PPP1R37: variants seen among roughly 807,000 people sequenced by gnomAD.
PPP1R37 encodes protein phosphatase 1 regulatory subunit 37.
A neutral mutation model predicts 61.0 loss-of-function variants in PPP1R37; 21 were observed. The ratio of observed to expected loss-of-function variants is 0.34; its 90% CI spans 0.24 to 0.50. The LOEUF (loss-of-function observed/expected upper bound fraction) is 0.50, where lower values mean the gene tolerates loss of function less well. Among genes scored for constraint, PPP1R37 ranks in the 20% least tolerant of loss-of-function variants. The pLI is 0.98. For missense variants in PPP1R37, 910 were observed against 952.7 expected (o/e 0.96, Z 0.59); for synonymous variants, 443 against 433.5 (o/e 1.02, Z -0.27).
At chr19:45,102,882 G>A (rs905620210) in intron 1 of PPP1R37, among the ~76,000 whole-genome samples, 7 of 152,246 alleles carry the variant, frequency 4.6e-5, no homozygotes, top group Non-Finnish European at 8.8e-5. Flanking sequence ...CTGAGCCCAC[G>A]TCAGGCTCCT....
intron 1 of PPP1R37, among the ~76,000 whole-genome samples, chr19:45,137,936 C>T (rs970955252): frequency 4.6e-5 from 7 of 151,734 alleles, no homozygotes; most frequent in East Asian, 1.9e-4. Context: ...CCCAGGAGTT[C>T]GAGACCAGCC....
intron 1 of PPP1R37, among the ~76,000 whole-genome samples, chr19:45,129,497 C>A (rs1351611905): frequency 6.6e-6 from 1 of 152,164 alleles, no homozygotes; most frequent in Non-Finnish European, 1.5e-5. Flanking sequence ...CAGGGTTTCA[C>A]TATGTTGGCC....
In PPP1R37 at chr19:45,145,201, C is replaced by G; in HGVS notation, c.1237C>G (p.Leu413Val). 1.3e-6 allele frequency: 2 copies of G among 1,535,278 alleles called. No individual in the cohort carries two copies. Among genetic ancestry groups the G allele is most frequent in the African/African-American group, 1.4e-5 (1 of 73,130 alleles). The change falls in exon 10 of 13, where the codon CTC (leucine) becomes GTC (valine). Residue 413 changes from leucine to valine, a missense_variant. By Grantham distance (32) the Leu-to-Val change is conservative (BLOSUM62 1). Around this residue, in one of 3 missense-constraint regions of PPP1R37, gnomAD observed 549 missense variants for 505.1 expected, o/e 1.09. Transcript: ENST00000221462. Reference sequence around the variant, plus strand: ...CGGGCTCATGGCACTGTCGTTGGCCCTCAAGGTGAACCACTCACTGCTGCG... The same window carrying G: ...CGGGCTCATGGCACTGTCGTTGGCCGTCAAGGTGAACCACTCACTGCTGCG... ...TGGLMALSLA[L>V]KVNHSLLRLD...
intron 1 of PPP1R37, among the ~76,000 whole-genome samples, chr19:45,125,132 G>A (rs1378487169): frequency 1.3e-5 from 2 of 152,184 alleles, no homozygotes; most frequent in Non-Finnish European, 2.9e-5. Flanking sequence ...ATAGTGTGGT[G>A]TCAGGCACAG....
At position 45,126,465 on chromosome 19, in the gene PPP1R37, G is replaced by A. The variant is rs78308335; in HGVS notation, c.203-12049G>A. Among the ~76,000 whole-genome samples the A allele has an allele frequency of 9.0e-3, 1,371 of 152,246 alleles. 28 individuals carry two copies. Among genetic ancestry groups the A allele is most frequent in the African/African-American group, 0.031 (1,267 of 41,536 alleles). ...GATTGGAACCCAGGCGCCTGGCTTCGAGGCCCGCATGCTGTGGGGAAATGG... is the reference window on the plus strand; with the variant it reads ...GATTGGAACCCAGGCGCCTGGCTTCAAGGCCCGCATGCTGTGGGGAAATGG... On this transcript the variant is annotated intron_variant, in intron 1 of 12. Transcript: ENST00000221462.
chr19:45,125,468 A>G (rs1351692519), intron 1 of PPP1R37, among the ~76,000 whole-genome samples: 1 of 152,168 alleles, frequency 6.6e-6, no homozygotes, highest in Non-Finnish European at 1.5e-5. Context: ...TAAAAAATAA[A>G]ATATCTGAGC....
intron 12 of PPP1R37, 37 bp from the exon 13 acceptor site, chr19:45,146,534 G>A: frequency 7.7e-7 from 1 of 1,291,914 alleles, no homozygotes; most frequent in East Asian, 2.5e-5. Context: ...AGAGCCTCTG[G>A]CTCTGACAGT....
chr19:45,141,423 C>G lies in PPP1R37; in HGVS notation c.549C>G (p.Ala183=). ...KHIGTRGWQA[A]AHMMRKTSCL... ...TCGGCACCCGGGGCTGGCAGGCGGC[C>G]GCCCACATGATGCGCAAGGTGGGCG... The change falls in exon 5 of 13, where the codon GCC becomes GCG. Residue 183 remains alanine, a synonymous_variant. Coordinates refer to ENST00000221462, the MANE Select transcript of PPP1R37 (RefSeq NM_019121.2). 6.5e-7 allele frequency: 1 copy of G among 1,535,744 alleles called. No homozygotes were observed. Among genetic ancestry groups the G allele is most frequent in the Non-Finnish European group, 8.7e-7 (1 of 1,146,744 alleles).
intron 2 of PPP1R37, 120 bp downstream of exon 2, chr19:45,138,731 T>C (rs961262524): frequency 4.9e-6 from 3 of 606,450 alleles, no homozygotes; most frequent in Non-Finnish European, 8.7e-6. Context: ...GAATACATCT[T>C]TGAAAGCCTG....
intron 1 of PPP1R37, among the ~76,000 whole-genome samples, chr19:45,107,857 G>A (rs551271802): frequency 3.3e-5 from 5 of 152,150 alleles, no homozygotes; most frequent in South Asian, 2.1e-4. Flanking sequence ...TCATTTTTCC[G>A]TTTTTTTAGA....
At chr19:45,103,715 T>A (rs1968093103) in intron 1 of PPP1R37, among the ~76,000 whole-genome samples, 1 of 151,952 alleles carries the variant, frequency 6.6e-6, no homozygotes, top group Non-Finnish European at 1.5e-5. Context: ...CTCCTGGTGG[T>A]GGTGATGGAG....
At chr19:45,133,000 G>A (rs559169291) in intron 1 of PPP1R37, among the ~76,000 whole-genome samples, 6 of 152,306 alleles carry the variant, frequency 3.9e-5, no homozygotes, top group Admixed American at 2.0e-4. Flanking sequence ...GTTGAGGCAC[G>A]GGTCACATTG....
chr19:45,146,265 G>T, intron 11 of PPP1R37, 125 bp from the exon 12 acceptor site: 1 of 976,886 alleles, frequency 1.0e-6, no homozygotes, highest in Non-Finnish European at 1.5e-6. Context: ...GCTGCCTTGA[G>T]CCTGACCATC....
chr19:45,140,192 C>A, intron 2 of PPP1R37, 44 bp from the exon 3 acceptor site: 2 of 1,513,500 alleles, frequency 1.3e-6, no homozygotes, highest in Non-Finnish European at 1.8e-6. Context: ...GGCTGCCCCC[C>A]TGTTCAAGTG....
At position 45,146,474 on chromosome 19, in the gene PPP1R37, A is replaced by G. The variant is rs1160338926; in HGVS notation, c.*2A>G. On this transcript the variant is annotated 3_prime_UTR_variant, in exon 12 of 13. Coordinates refer to ENST00000221462, the MANE Select transcript of PPP1R37 (RefSeq NM_019121.2). ...GAATCCGGGCAGGAGACACTGTGAC[A>G]CTTTAGGTGAGGCCAGGCCCGGGGC... 2 of 1,534,734 alleles carry G rather than the reference A, an allele frequency of 1.3e-6. No individual in the cohort carries two copies. Among genetic ancestry groups the G allele is most frequent in the Non-Finnish European group, 1.7e-6 (2 of 1,146,060 alleles).
At chr19:45,144,603 G>C (rs1484120187) in intron 8 of PPP1R37, 1 of 518,274 alleles carries the variant, frequency 1.9e-6, no homozygotes, top group African/African-American at 2.0e-5. Flanking sequence ...GGCTGTGGGG[G>C]GTAGGGACTG....
At position 45,140,251 on chromosome 19, in the gene PPP1R37, G is replaced by C. The variant is rs201444862; in HGVS notation, c.316G>C (p.Gly106Arg). 1 of 1,536,070 alleles carries C rather than the reference G, an allele frequency of 6.5e-7. No individual in the cohort carries two copies. Among genetic ancestry groups the C allele is most frequent in the Non-Finnish European group, 8.7e-7 (1 of 1,146,856 alleles). The stretch of plus-strand genomic sequence containing the variant: ...ACTTTCTCAGGAATTCACAGACCTC[G>C]GGCACCGCCTCGACTGTCTGGACCT... ...LRQLQEFTDL[G>R]HRLDCLDLKG... Residue 106 changes from glycine (G) to arginine (R), a missense_variant, in exon 3 of 13, where the codon GGG (glycine) becomes CGG (arginine). Gly to Arg is a moderately radical substitution (Grantham distance 125, BLOSUM62 -2). Transcript: ENST00000221462.
intron 1 of PPP1R37, among the ~76,000 whole-genome samples, chr19:45,122,190 C>T (rs1017588141): frequency 1.2e-4 from 19 of 152,330 alleles, no homozygotes; most frequent in African/African-American, 4.6e-4. Context: ...GCGTAGAAGG[C>T]ATTTGCCCCA....
intron 1 of PPP1R37, among the ~76,000 whole-genome samples, chr19:45,132,401 G>T (rs548263017): frequency 6.6e-6 from 1 of 151,988 alleles, no homozygotes; most frequent in Non-Finnish European, 1.5e-5. Flanking sequence ...AAACTCCCAG[G>T]CTCAAGCTAT....
Sources: allele counts gnomAD v4.1 joint callset (sites outside exome capture counted in the v4.1 genomes callset), GRCh38; gene constraint gnomAD v4.1.1; regional missense constraint gnomAD v4.1.1; transcripts MANE v1.5; gene names NCBI Gene and HGNC (gene_info 2026-07-23, HGNC 2026-07-21).